Variants in PTPN14 observed in about 807,000 individuals in gnomAD.
PTPN14 encodes tyrosine-protein phosphatase non-receptor type 14.
In PTPN14, 53 loss-of-function variants were observed where a neutral mutation model predicts 126.8. The observed-to-expected ratio is 0.42, with a 90% CI of 0.34 to 0.53. The LOEUF is 0.53. Ranked by LOEUF, PTPN14 falls within the 20% of genes least tolerant of loss-of-function variation. The pLI, the probability that PTPN14 is intolerant of heterozygous loss-of-function variation, is 0.08. For missense variants in PTPN14, 1,257 were observed against 1,552.9 expected (o/e 0.81, Z 3.20); for synonymous variants, 630 against 599.3 (o/e 1.05, Z -0.75).
rs1302882059 is a variant in PTPN14, at chr1:214,352,174, T to A, written c.*5748A>T. The stretch of plus-strand genomic sequence containing the variant: ...AGGAACTGATGCACATCCTCTTCTT[T>A]ACTGTACCAAACAACAATCATTTTC... On this transcript the variant is annotated 3_prime_UTR_variant, in exon 19 of 19. Coordinates refer to ENST00000366956, the MANE Select transcript of PTPN14 (RefSeq NM_005401.5). 2 of 152,186 alleles carry A rather than the reference T, an allele frequency of 1.3e-5. No homozygotes were observed. Among genetic ancestry groups the A allele is most frequent in the Non-Finnish European group, 2.9e-5 (2 of 68,042 alleles). The allele number at this position is 152,186 out of a possible 1,614,324, so 9.4% of individuals were successfully genotyped here.
chr1:214,520,677 C>T (rs1195516414), intron 1 of PTPN14, among the ~76,000 whole-genome samples: 1 of 152,138 alleles, frequency 6.6e-6, no homozygotes, highest in Non-Finnish European at 1.5e-5. Context: ...AGGCCCCCCT[C>T]CAGTCCCCGC....
chr1:214,540,343 C>T (rs1458125502), intron 1 of PTPN14, among the ~76,000 whole-genome samples: 1 of 152,086 alleles, frequency 6.6e-6, no homozygotes, highest in Non-Finnish European at 1.5e-5. Context: ...ATTTCCTGGG[C>T]AGAAGGGAAT....
chr1:214,392,683 T>A (rs1311188685), intron 10 of PTPN14, among the ~76,000 whole-genome samples: 1 of 152,140 alleles, frequency 6.6e-6, no homozygotes, highest in Non-Finnish European at 1.5e-5. Context: ...CACTCCCCGA[T>A]CAGGCCTTCT....
chr1:214,382,318 T>C (rs1268255440), intron 13 of PTPN14, among the ~76,000 whole-genome samples: 2 of 151,272 alleles, frequency 1.3e-5, no homozygotes, highest in African/African-American at 2.4e-5. Context: ...TCTCCCCAAA[T>C]TGTACAATAT....
intron 11 of PTPN14, among the ~76,000 whole-genome samples, chr1:214,389,283 G>A (rs577212715): frequency 1.3e-5 from 2 of 152,288 alleles, no homozygotes; most frequent in South Asian, 2.1e-4. Flanking sequence ...ACATAAATGA[G>A]CAGACTTATG....
At chr1:214,365,836 G>C (rs1206692786) in intron 17 of PTPN14, among the ~76,000 whole-genome samples, 1 of 152,156 alleles carries the variant, frequency 6.6e-6, no homozygotes, top group African/African-American at 2.4e-5. Flanking sequence ...AGTACTACTA[G>C]TAGTAGTAAT....
At chr1:214,380,762 G>C (rs1435490601) in intron 13 of PTPN14, among the ~76,000 whole-genome samples, 1 of 152,246 alleles carries the variant, frequency 6.6e-6, no homozygotes, top group South Asian at 2.1e-4. Context: ...AGTGAGGAGA[G>C]CAGAGAAGTA....
At position 214,365,558 on chromosome 1, in the gene PTPN14, C is replaced by T. The variant is rs576479125; in HGVS notation, c.3272-883G>A. Among the ~76,000 whole-genome samples, 128 of 152,228 alleles carry T rather than the reference C, an allele frequency of 8.4e-4. 1 individual carries two copies. The highest frequency in any genetic ancestry group is 2.8e-3 in the African/African-American group (118 of 41,532). On this transcript the variant is annotated intron_variant, in intron 17 of 18. Transcript: ENST00000366956. ...AACAGGTTTAAAGGTTCTTGATACT[C>T]AGTGAACCTCATCCTAAGGCAAAAG...
chr1:214,406,255 A>C (rs1316323580), intron 5 of PTPN14, among the ~76,000 whole-genome samples: 1 of 152,180 alleles, frequency 6.6e-6, no homozygotes, highest in African/African-American at 2.4e-5. Context: ...AGGAGGGAAG[A>C]TCACTTGAGG....
chr1:214,509,640 C>A (rs929190488), intron 1 of PTPN14, among the ~76,000 whole-genome samples: 6 of 152,186 alleles, frequency 3.9e-5, no homozygotes, highest in Non-Finnish European at 7.3e-5. Flanking sequence ...ACTTAGCAAA[C>A]TGGCACAAGA....
Position 214,383,227 on chromosome 1 carries a change from C to A in PTPN14, c.2544+84G>T. Reference sequence around the variant, plus strand: ...TGATTCCTTAAAAACCTACCACGTTCCCTGCATAAGCCCTGCCCCTTGCTC... The same window carrying A: ...TGATTCCTTAAAAACCTACCACGTTACCTGCATAAGCCCTGCCCCTTGCTC... On this transcript the variant is annotated intron_variant, in intron 13 of 18. Transcript: ENST00000366956. This position sits in a 1 kb window ranked among gnomAD's most constrained non-coding sequence, Gnocchi z 4.4. The A allele has an allele frequency of 6.8e-7, 1 of 1,466,044 alleles. No homozygotes were observed. Among genetic ancestry groups the A allele is most frequent in the Non-Finnish European group, 9.2e-7 (1 of 1,084,084 alleles). 90.8% of individuals were successfully genotyped at this position (1,466,044 alleles called of 1,614,324 possible).
At chr1:214,492,335 T>C (rs901196082) in intron 1 of PTPN14, among the ~76,000 whole-genome samples, 3 of 152,304 alleles carry the variant, frequency 2.0e-5, no homozygotes, top group Admixed American at 2.0e-4. Context: ...AAAATCAGTT[T>C]GGGCCTCTGG....
chr1:214,428,211 T>G (rs562364598), intron 3 of PTPN14, among the ~76,000 whole-genome samples: 1 of 152,154 alleles, frequency 6.6e-6, no homozygotes, highest in East Asian at 1.9e-4. Context: ...CAGAAGGAAG[T>G]AGTCAGAATC....
chr1:214,535,915 T>C (rs374254870), intron 1 of PTPN14, among the ~76,000 whole-genome samples: 3 of 152,290 alleles, frequency 2.0e-5, no homozygotes, highest in African/African-American at 7.2e-5. Context: ...TGACCTACAT[T>C]AGAAATTCCA....
intron 2 of PTPN14, among the ~76,000 whole-genome samples, chr1:214,453,427 C>T (rs979310805): frequency 2.6e-5 from 4 of 152,204 alleles, no homozygotes; most frequent in African/African-American, 9.7e-5. Flanking sequence ...AGTAACTTTA[C>T]ACAAGTCATT....
intron 1 of PTPN14, among the ~76,000 whole-genome samples, chr1:214,510,456 T>C (rs1056036799): frequency 3.3e-5 from 5 of 152,230 alleles, no homozygotes; most frequent in African/African-American, 1.2e-4. Context: ...CGCAATAAAA[T>C]GGTGTATGCC....
chr1:214,464,823 GC>G lies in PTPN14; in HGVS notation c.-21del, dbSNP rs1236651272. On this transcript the variant is annotated 5_prime_UTR_variant, in exon 2 of 19. Coordinates refer to ENST00000366956, the MANE Select transcript of PTPN14 (RefSeq NM_005401.5). Reference sequence around the variant, plus strand: ...AGGCATGGCTATGTGGTCCTCGGACGCCGCCCGCCTATCCTGGCGCACACGC... The same window carrying G: ...AGGCATGGCTATGTGGTCCTCGGACGCGCCCGCCTATCCTGGCGCACACGC... The G allele has an allele frequency of 6.2e-7, 1 of 1,610,148 alleles. No homozygotes were observed. The highest frequency in any genetic ancestry group is 8.5e-7 in the Non-Finnish European group (1 of 1,177,534).
At chr1:214,368,721 A>G (rs915469984) in intron 17 of PTPN14, among the ~76,000 whole-genome samples, 2 of 152,144 alleles carry the variant, frequency 1.3e-5, no homozygotes, top group African/African-American at 4.8e-5. Context: ...AGTGGCTCAC[A>G]CCTGTAATCC....
intron 5 of PTPN14, among the ~76,000 whole-genome samples, chr1:214,405,671 T>G (rs1441124088): frequency 6.6e-6 from 1 of 151,454 alleles, no homozygotes; most frequent in Non-Finnish European, 1.5e-5. Flanking sequence ...CGGTCTTATA[T>G]TTGCAAGACA....
Sources: gnomAD v4.1 joint callset for allele counts (sites outside exome capture counted in the v4.1 genomes callset) on GRCh38, gnomAD v4.1.1 for gene constraint, Gnocchi (gnomAD v3.1) non-coding constraint, MANE v1.5 for transcripts, NCBI Gene and HGNC (gene_info 2026-07-23, HGNC 2026-07-21) for gene names.